IFT140: variants seen among roughly 807,000 people sequenced by gnomAD.
IFT140 encodes intraflagellar transport 140, also known as intraflagellar transport protein 140 homolog.
In IFT140, 133 loss-of-function variants were observed where a neutral mutation model predicts 164.6. The ratio of observed to expected loss-of-function variants is 0.81; its 90% confidence interval spans 0.70 to 0.93. IFT140 has a LOEUF of 0.93. IFT140 is among the 40% of genes least tolerant of loss of function. The probability of loss-of-function intolerance (pLI) is 0.00; values close to 1 mark genes in which losing one functional copy is unlikely to be tolerated. For synonymous variants in IFT140, 860 were observed against 817.3 expected, an observed-to-expected ratio of 1.05 and a Z score of -0.89; for missense variants, 2,045 against 1,972.3, an observed-to-expected ratio of 1.04 and a Z score of -0.70.
intron 7 of IFT140, 26 bp from the exon 8 acceptor site, chr16:1,588,050 G>T: frequency 6.2e-7 from 1 of 1,606,822 alleles, no homozygotes; most frequent in Non-Finnish European, 8.5e-7. Flanking sequence ...ACCGAGCAGA[G>T]GCACCGTGCT....
chr16:1,524,666 G>T lies in IFT140; in HGVS notation c.3027C>A (p.Asn1009Lys), dbSNP rs768624393. ...GGGCGAGGTGGTAGGAGGCCGCCAG[G>T]TTTCCTGTCTCGTTGGCTATTTGCG... ...KAAQIANETG[N>K]LAASYHLARQ... is the part of the protein sequence containing the mutation. The change falls in exon 24 of 31, where the codon AAC (asparagine) becomes AAA (lysine). Residue 1009 changes from asparagine to lysine, a missense_variant. Transcript: ENST00000426508. 22 of 1,578,198 alleles carry T rather than the reference G, an allele frequency of 1.4e-5. No homozygotes were observed. Among genetic ancestry groups the T allele is most frequent in the Non-Finnish European group, 1.8e-5 (21 of 1,157,174 alleles).
chr16:1,544,151 G>T (rs1264967663), intron 19 of IFT140, among the ~76,000 whole-genome samples: 1 of 150,256 alleles, frequency 6.7e-6, no homozygotes, highest in Non-Finnish European at 1.5e-5. Context: ...CCGTGTAGGT[G>T]GGATTGCAGG....
chr16:1,513,666 ACTTT>A (rs10558385), intron 30 of IFT140, among the ~76,000 whole-genome samples: 34,551 of 146,490 alleles, frequency 0.24, 4,466 homozygotes, highest in African/African-American at 0.36. Context: ...GCTTCTCACA[ACTTT>A]CTTTTTTTTT....
intron 24 of IFT140, 30 bp from the exon 25 acceptor site, chr16:1,523,986 G>T (rs779977744): frequency 9.4e-6 from 15 of 1,600,548 alleles, no homozygotes; most frequent in Non-Finnish European, 8.5e-6. Flanking sequence ...GCCCTGAAGC[G>T]GCTCCCACTG....
intron 19 of IFT140, chr16:1,554,211 T>C: frequency 9.5e-7 from 1 of 1,058,142 alleles, no homozygotes; most frequent in African/African-American, 1.7e-5. Context: ...CCAGGCCATC[T>C]GGAGTTCCCA....
At position 1,526,662 on chromosome 16, in the gene IFT140, A is replaced by AGCTCCG; in HGVS notation, c.2528_2533dup (p.Pro843_Glu844dup). On this transcript the variant is annotated inframe_insertion, in exon 20 of 31. Transcript: ENST00000426508. ...GGCCAGCACGGCCACGCGGGCCTCT[A>AGCTCCG]GCTCCGGCTCCTGCTCCGCCTCACG... 1 of 1,595,882 alleles carries AGCTCCG rather than the reference A, an allele frequency of 6.3e-7. No homozygotes were observed.
Position 1,586,253 on chromosome 16 carries a change from G to C in IFT140, c.1032C>G (p.Asp344Glu). ...KVKGLLAAGT[D>E]RGRVAMWRKV... ...TCCTCCACATGGCTACTCGCCCTCT[G>C]TCGGTACCAGCGGCCAGAAGACCTA... The change falls in exon 10 of 31, where the codon GAC becomes GAG. Residue 344 changes from aspartate to glutamate, a missense_variant. Physicochemically the swap from Asp to Glu is conservative, Grantham distance 45. Coordinates refer to ENST00000426508, the MANE Select transcript of IFT140 (RefSeq NM_014714.4). 6.2e-7 allele frequency: 1 copy of C among 1,613,554 alleles called. No individual in the cohort carries two copies. Among genetic ancestry groups the C allele is most frequent in the Non-Finnish European group, 8.5e-7 (1 of 1,179,802 alleles).
At position 1,535,594 on chromosome 16, in the gene IFT140, C is replaced by T. The variant is rs72761104; in HGVS notation, c.2400-8798G>A. Among the ~76,000 whole-genome samples the T allele has an allele frequency of 3.2e-3, 491 of 152,306 alleles. 1 individual carries two copies. The highest frequency in any genetic ancestry group is 5.7e-3 in the Non-Finnish European group (389 of 68,024). On this transcript the variant is annotated intron_variant, in intron 19 of 30. Coordinates refer to ENST00000426508, the MANE Select transcript of IFT140 (RefSeq NM_014714.4). ...ACTGGGGTAACACACATCACGTGTG[C>T]CTCAACCACACAGCTCCATCCCCAA...
At chr16:1,524,409 G>A (rs1057447326) in intron 24 of IFT140, 143 bp downstream of exon 24, 22 of 1,111,964 alleles carry the variant, frequency 2.0e-5, no homozygotes, top group Non-Finnish European at 2.8e-5. Flanking sequence ...GTGGGCGGGT[G>A]AGGCAGACGG....
chr16:1,597,956 C>T (rs1260380584), intron 4 of IFT140, among the ~76,000 whole-genome samples: 1 of 152,102 alleles, frequency 6.6e-6, no homozygotes, highest in Non-Finnish European at 1.5e-5. Context: ...CTGAGAATTA[C>T]AAAAGTCAAT....
chr16:1,526,659 T>A lies in IFT140; in HGVS notation c.2537A>T (p.Glu846Val), dbSNP rs1198264918. Residue 846 changes from glutamate (E) to valine (V), a missense_variant, in exon 20 of 31, where the codon GAG (glutamate) becomes GTG (valine). Glu to Val is a moderately radical substitution (Grantham distance 121). Coordinates refer to ENST00000426508, the MANE Select transcript of IFT140 (RefSeq NM_014714.4). ...LREAEQEPEL[E>V]ARVAVLATQL... ...CGTGGCCAGCACGGCCACGCGGGCCTCTAGCTCCGGCTCCTGCTCCGCCTC... is the reference window on the plus strand; with the variant it reads ...CGTGGCCAGCACGGCCACGCGGGCCACTAGCTCCGGCTCCTGCTCCGCCTC... 6.3e-7 allele frequency: 1 copy of A among 1,594,568 alleles called. No homozygotes were observed. The highest frequency in any genetic ancestry group is 8.5e-7 in the Non-Finnish European group (1 of 1,175,050).
chr16:1,562,701 G>A (rs904269861), intron 17 of IFT140, among the ~76,000 whole-genome samples: 1 of 152,142 alleles, frequency 6.6e-6, no homozygotes, highest in African/African-American at 2.4e-5. Flanking sequence ...GAACCCGGGA[G>A]GCAGAGGTTG....
chr16:1,540,890 G>C, intron 19 of IFT140: 1 of 985,434 alleles, frequency 1.0e-6, no homozygotes, highest in Non-Finnish European at 1.2e-6. Context: ...TTCACATGCA[G>C]TCCCTGACTC....
intron 4 of IFT140, among the ~76,000 whole-genome samples, chr16:1,599,791 C>G (rs1299467591): frequency 1.3e-5 from 1 of 78,144 alleles, no homozygotes; most frequent in African/African-American, 8.6e-5. Context: ...GGGTGTCAGC[C>G]CCCCGCCCGG....
rs369671309 is a variant in IFT140, at chr16:1,589,637, G to A, written c.778C>T (p.Pro260Ser). The A allele has an allele frequency of 4.3e-5, 70 of 1,613,996 alleles. No homozygotes were observed. The highest frequency in any genetic ancestry group is 2.7e-5 in the African/African-American group (2 of 74,900). ...ACTTCTTCTGCTTTGCCCTCAGGAG[G>A]CACCGTGTACAGGGACAGCCGGAGG... is the stretch of plus-strand genomic sequence containing the variant. ...ENLRLSLYTV[P>S]PEGKAEEVMK... Residue 260 changes from proline (P) to serine (S), a missense_variant, in exon 7 of 31, where the codon CCT becomes TCT. Physicochemically the swap from Pro to Ser is moderately conservative, Grantham distance 74. Transcript: ENST00000426508.
intron 30 of IFT140, 87 bp downstream of exon 30, chr16:1,518,129 C>G (rs767122476): frequency 7.2e-7 from 1 of 1,385,036 alleles, no homozygotes; most frequent in South Asian, 1.3e-5. Flanking sequence ...TGAGCCGCCA[C>G]ACACAGCCTC....
intron 18 of IFT140, among the ~76,000 whole-genome samples, chr16:1,561,351 G>A (rs533627666): frequency 5.3e-5 from 8 of 152,242 alleles, no homozygotes; most frequent in Non-Finnish European, 7.3e-5. Context: ...CGCAGAGAAG[G>A]AAATAACTTG....
chr16:1,548,835 G>A (rs1200651976), intron 19 of IFT140, among the ~76,000 whole-genome samples: 1 of 152,272 alleles, frequency 6.6e-6, no homozygotes, highest in Non-Finnish European at 1.5e-5. Context: ...GCCAAGGTTA[G>A]AGCAGCACAG....
At position 1,587,339 on chromosome 16, in the gene IFT140, T is replaced by G. The variant is rs751108352; in HGVS notation, c.903-35A>C. ...AAGAAAGCAAGCCCCATGGAGGGCC[T>G]GTGTTAGTGGCGTTTCCCTCTGAGG... On this transcript the variant is annotated intron_variant, in intron 8 of 30. Coordinates refer to ENST00000426508, the MANE Select transcript of IFT140 (RefSeq NM_014714.4). 4 of 1,378,278 alleles carry G rather than the reference T, an allele frequency of 2.9e-6. No homozygotes were observed. In the East Asian group the frequency reaches 6.9e-5, roughly 24 times the overall value. The allele number at this position is 1,378,278 out of a possible 1,614,324, so 85.4% of individuals were successfully genotyped here. A position where few individuals can be genotyped will look rare whatever the true frequency, so the allele number is the denominator to read the frequency against.
Sources: allele counts gnomAD v4.1 joint callset (sites outside exome capture counted in the v4.1 genomes callset), GRCh38; gene constraint gnomAD v4.1.1; transcripts MANE v1.5; gene names NCBI Gene and HGNC (gene_info 2026-07-23, HGNC 2026-07-21).